PLCB1: variants seen among roughly 807,000 people sequenced by gnomAD.
The protein encoded by PLCB1 is phospholipase C beta 1.
Under a neutral mutation model 161.8 loss-of-function variants are expected in PLCB1, and 46 were observed. The observed-to-expected ratio is 0.28, with a 90% CI of 0.22 to 0.36. The LOEUF (loss-of-function observed/expected upper bound fraction) is 0.36, where lower values mean the gene tolerates loss of function less well. Ranked by LOEUF, PLCB1 falls within the 10% of genes least tolerant of loss-of-function variation. The probability of loss-of-function intolerance (pLI) is 1.00; values close to 1 mark genes in which losing one functional copy is unlikely to be tolerated. For synonymous variants in PLCB1, 517 were observed against 503.7 expected, an observed-to-expected ratio of 1.03 and a Z score of -0.35; for missense variants, 1,016 against 1,472.5, an observed-to-expected ratio of 0.69 and a Z score of 5.07.
intron 31 of PLCB1, among the ~76,000 whole-genome samples, chr20:8,799,289 C>T (rs574620394): frequency 3.3e-5 from 5 of 152,258 alleles, no homozygotes; most frequent in South Asian, 2.1e-4. Flanking sequence ...TGGGGTTCAG[C>T]GTCTTCCCAG....
intron 9 of PLCB1, among the ~76,000 whole-genome samples, chr20:8,673,949 T>A (rs977348120): frequency 5.3e-5 from 8 of 152,256 alleles, no homozygotes; most frequent in African/African-American, 1.9e-4. Flanking sequence ...GAGCCCCCTC[T>A]TCCCAAGGGC....
chr20:8,308,391 C>T (rs1026373645), intron 2 of PLCB1, among the ~76,000 whole-genome samples: 10 of 147,766 alleles, frequency 6.8e-5, no homozygotes, highest in Admixed American at 1.3e-4. Context: ...CCAAGGTGAG[C>T]GGATCACCTG....
At chr20:8,226,977 G>A (rs1044005753) in intron 2 of PLCB1, among the ~76,000 whole-genome samples, 7 of 152,090 alleles carry the variant, frequency 4.6e-5, no homozygotes, top group South Asian at 2.1e-4. Context: ...ATGAGCCACC[G>A]CGCCCGGCCA....
chr20:8,276,932 CTTCTT>C (rs1982581468), intron 2 of PLCB1, among the ~76,000 whole-genome samples: 1 of 22,210 alleles, frequency 4.5e-5, no homozygotes, highest in Non-Finnish European at 1.3e-4. Flanking sequence ...TTCTTTTCTT[CTTCTT>C]CTTCTTCTTC....
chr20:8,543,196 A>G (rs113199565), intron 3 of PLCB1, among the ~76,000 whole-genome samples: 51 of 150,388 alleles, frequency 3.4e-4, no homozygotes, highest in African/African-American at 1.1e-3. Flanking sequence ...AGAAATAGAT[A>G]AAAAAATAAG....
intron 2 of PLCB1, among the ~76,000 whole-genome samples, chr20:8,259,546 G>C (rs1483571686): frequency 6.6e-6 from 1 of 152,044 alleles, no homozygotes; most frequent in African/African-American, 2.4e-5. Flanking sequence ...AGCCCCAAAG[G>C]CAGAGGATGG....
intron 25 of PLCB1, 110 bp from the exon 26 acceptor site, chr20:8,765,029 A>C (rs1982242658): frequency 2.5e-6 from 2 of 812,826 alleles, no homozygotes; most frequent in African/African-American, 3.5e-5. Context: ...TTGCTCTTAA[A>C]CTCTAGCTGG....
intron 19 of PLCB1, among the ~76,000 whole-genome samples, chr20:8,735,177 T>C (rs1980514710): frequency 6.6e-6 from 1 of 152,252 alleles, no homozygotes; most frequent in Non-Finnish European, 1.5e-5. Context: ...CAATTGTTGT[T>C]ATAGTTCGGT....
intron 9 of PLCB1, among the ~76,000 whole-genome samples, chr20:8,677,229 A>G (rs530438157): frequency 6.1e-4 from 93 of 152,186 alleles, no homozygotes; most frequent in African/African-American, 2.2e-3. Context: ...CCCCATCTCT[A>G]CTAAAAATAC....
At chr20:8,749,426 A>T (rs1981340084) in intron 23 of PLCB1, among the ~76,000 whole-genome samples, 1 of 152,234 alleles carries the variant, frequency 6.6e-6, no homozygotes, top group African/African-American at 2.4e-5. Flanking sequence ...AATTATCCAG[A>T]ATTTGTCCCG....
intron 2 of PLCB1, among the ~76,000 whole-genome samples, chr20:8,265,597 A>C (rs1981916146): frequency 6.6e-6 from 1 of 152,176 alleles, no homozygotes; most frequent in African/African-American, 2.4e-5. Flanking sequence ...TCAAATTTAT[A>C]TCTTAATGTG....
In PLCB1 at chr20:8,807,701, G is replaced by T. The variant is rs79301840; in HGVS notation, c.3423+17440G>T. 9.7e-3 allele frequency among the ~76,000 whole-genome samples: 1,470 copies of T among 151,966 alleles called. 35 individuals are homozygous for T. The highest frequency in any genetic ancestry group is 0.033 in the African/African-American group (1,353 of 41,458). On this transcript the variant is annotated intron_variant, in intron 31 of 31. Transcript: ENST00000338037. Reference sequence around the variant, plus strand: ...GATTATAGTATAGTGCTATCCAATAGAATTTTCTGCAGTGATGGAAATTTT... The same window carrying T: ...GATTATAGTATAGTGCTATCCAATATAATTTTCTGCAGTGATGGAAATTTT...
intron 31 of PLCB1, among the ~76,000 whole-genome samples, chr20:8,804,578 G>A (rs954570672): frequency 2.6e-5 from 4 of 152,044 alleles, no homozygotes; most frequent in African/African-American, 9.7e-5. Context: ...ATAGTGTATG[G>A]AAAAAAGATT....
intron 31 of PLCB1, among the ~76,000 whole-genome samples, chr20:8,846,118 A>G (rs1422241170): frequency 1.3e-5 from 2 of 152,230 alleles, no homozygotes; most frequent in East Asian, 3.9e-4. Flanking sequence ...TACAAGTAGC[A>G]TGGCTGGGGA....
At chr20:8,533,885 A>T (rs911207394) in intron 3 of PLCB1, among the ~76,000 whole-genome samples, 1 of 152,002 alleles carries the variant, frequency 6.6e-6, no homozygotes, top group Non-Finnish European at 1.5e-5. Flanking sequence ...CCGATTTGTC[A>T]ATTTTGTCTT....
chr20:8,780,310 A>G (rs1253402201), intron 27 of PLCB1, among the ~76,000 whole-genome samples: 1 of 152,070 alleles, frequency 6.6e-6, no homozygotes, highest in East Asian at 1.9e-4. Context: ...AATGTTAAGG[A>G]GTTTTTGCTT....
intron 2 of PLCB1, among the ~76,000 whole-genome samples, chr20:8,311,257 T>G (rs1456282547): frequency 6.6e-6 from 1 of 152,216 alleles, no homozygotes; most frequent in Non-Finnish European, 1.5e-5. Flanking sequence ...TCTAGAGTGA[T>G]CGTTATCAAA....
At chr20:8,329,038 C>A (rs975591204) in intron 2 of PLCB1, among the ~76,000 whole-genome samples, 1 of 152,160 alleles carries the variant, frequency 6.6e-6, no homozygotes, top group Admixed American at 6.5e-5. Context: ...ACTTTCCTAA[C>A]TAATTACTAT....
At chr20:8,133,573 C>T (rs935025057) in intron 1 of PLCB1, among the ~76,000 whole-genome samples, 10 of 152,172 alleles carry the variant, frequency 6.6e-5, no homozygotes, top group African/African-American at 2.2e-4. Context: ...CGGCCCAGAC[C>T]CCAGGACTTC....
Sources: gnomAD v4.1 joint callset for allele counts (sites outside exome capture counted in the v4.1 genomes callset) on GRCh38, gnomAD v4.1.1 for gene constraint, MANE v1.5 for transcripts, NCBI Gene and HGNC (gene_info 2026-07-23, HGNC 2026-07-21) for gene names.